RUNX2: variants seen among roughly 807,000 people sequenced by gnomAD.
RUNX2 encodes runt-related transcription factor 2.
In RUNX2, 10 loss-of-function variants were observed where a neutral mutation model predicts 51.7. The observed-to-expected ratio is 0.19, with a 90% CI of 0.12 to 0.33. The LOEUF is 0.33. RUNX2 is among the 10% of genes least tolerant of loss of function. The pLI is 1.00. For synonymous variants in RUNX2, 276 were observed against 273.6 expected (o/e 1.01, Z -0.09); for missense variants, 562 against 691.3 (o/e 0.81, Z 2.10).
intron 6 of RUNX2, among the ~76,000 whole-genome samples, chr6:45,509,202 C>T (rs1801069360): frequency 6.6e-6 from 1 of 152,166 alleles, no homozygotes; most frequent in Non-Finnish European, 1.5e-5. Context: ...AGGGCCTTCA[C>T]CATGTGAGCT....
chr6:45,463,098 C>A (rs546096045), intron 5 of RUNX2, among the ~76,000 whole-genome samples: 2 of 152,124 alleles, frequency 1.3e-5, no homozygotes, highest in African/African-American at 4.8e-5. Context: ...CTCTTTCTAC[C>A]AAATATTGAT....
At chr6:45,476,561 G>A (rs1415653201) in intron 5 of RUNX2, among the ~76,000 whole-genome samples, 3 of 152,126 alleles carry the variant, frequency 2.0e-5, no homozygotes, top group Admixed American at 6.5e-5. Flanking sequence ...GCCCAGAAAG[G>A]GCTGATTGTC....
At chr6:45,438,703 G>A (rs761395803) in intron 5 of RUNX2, among the ~76,000 whole-genome samples, 6 of 152,110 alleles carry the variant, frequency 3.9e-5, no homozygotes, top group Admixed American at 2.0e-4. Flanking sequence ...TTCAGGTAGC[G>A]CACATAATCT....
chr6:45,352,468 T>C (rs746212489), intron 2 of RUNX2, among the ~76,000 whole-genome samples: 33 of 152,250 alleles, frequency 2.2e-4, no homozygotes, highest in Non-Finnish European at 4.1e-4. Flanking sequence ...AGGTGAAACA[T>C]TGCTGGAGTC....
At chr6:45,415,342 A>T (rs1399855583) in intron 2 of RUNX2, among the ~76,000 whole-genome samples, 1 of 152,210 alleles carries the variant, frequency 6.6e-6, no homozygotes, top group Non-Finnish European at 1.5e-5. Flanking sequence ...TACAGCAACA[A>T]AGTAAGAGTC....
At chr6:45,417,351 A>C (rs1798085577) in intron 2 of RUNX2, among the ~76,000 whole-genome samples, 1 of 152,208 alleles carries the variant, frequency 6.6e-6, no homozygotes, top group East Asian at 1.9e-4. Flanking sequence ...ATGCTGACAT[A>C]TGGAGATGTG....
At chr6:45,426,024 A>G (rs959569068) in intron 3 of RUNX2, among the ~76,000 whole-genome samples, 18 of 152,142 alleles carry the variant, frequency 1.2e-4, no homozygotes, top group African/African-American at 4.1e-4. Context: ...AATTCAATAG[A>G]CTGTTTTGAA....
chr6:45,541,643 C>G (rs1802232711), intron 7 of RUNX2, among the ~76,000 whole-genome samples: 1 of 152,140 alleles, frequency 6.6e-6, no homozygotes, highest in Non-Finnish European at 1.5e-5. Flanking sequence ...TACCTTTATC[C>G]CCTCACATAA....
intron 6 of RUNX2, among the ~76,000 whole-genome samples, chr6:45,494,730 C>T (rs1292528477): frequency 6.6e-6 from 1 of 152,174 alleles, no homozygotes; most frequent in Non-Finnish European, 1.5e-5. Context: ...AGCCCAGGAA[C>T]ATCTGGAGCA....
intron 2 of RUNX2, among the ~76,000 whole-genome samples, chr6:45,415,589 G>A (rs1431597499): frequency 6.6e-6 from 1 of 152,190 alleles, no homozygotes; most frequent in African/African-American, 2.4e-5. Flanking sequence ...GGAAAAGCTA[G>A]CTTTATTGCA....
intron 2 of RUNX2, among the ~76,000 whole-genome samples, chr6:45,372,957 C>T (rs1436987572): frequency 6.6e-6 from 1 of 151,954 alleles, no homozygotes; most frequent in Non-Finnish European, 1.5e-5. Flanking sequence ...AGCAGGTGCA[C>T]GCCAAGACAC....
At chr6:45,342,537 G>A (rs553894864) in intron 2 of RUNX2, among the ~76,000 whole-genome samples, 74 of 152,228 alleles carry the variant, frequency 4.9e-4, no homozygotes, top group African/African-American at 1.7e-3. Flanking sequence ...GCGATTACAC[G>A]CATAAGCCAC....
chr6:45,464,931 T>C (rs1024346951), intron 5 of RUNX2, among the ~76,000 whole-genome samples: 1 of 152,240 alleles, frequency 6.6e-6, no homozygotes, highest in African/African-American at 2.4e-5. Context: ...ATCTATCATA[T>C]GGCCAGTTCA....
At chr6:45,488,691 C>A (rs1800358389) in intron 5 of RUNX2, among the ~76,000 whole-genome samples, 1 of 147,400 alleles carries the variant, frequency 6.8e-6, no homozygotes, top group Non-Finnish European at 1.5e-5. Context: ...TTTTCTTATT[C>A]AGCAATGATG....
At chr6:45,407,197 G>T (rs1288027443) in intron 2 of RUNX2, among the ~76,000 whole-genome samples, 1 of 151,346 alleles carries the variant, frequency 6.6e-6, no homozygotes, top group African/African-American at 2.4e-5. Context: ...TCCGCCTCCC[G>T]GGCTCAAGCG....
intron 2 of RUNX2, among the ~76,000 whole-genome samples, chr6:45,364,605 T>A (rs960049826): frequency 6.6e-6 from 1 of 152,156 alleles, no homozygotes; most frequent in African/African-American, 2.4e-5. Flanking sequence ...AGAGATATAG[T>A]TTCACTTAAT....
chr6:45,491,854 C>T, intron 5 of RUNX2, 87 bp from the exon 6 acceptor site: 2 of 1,355,152 alleles, frequency 1.5e-6, no homozygotes, highest in South Asian at 2.3e-5. Flanking sequence ...GGCTTAAACT[C>T]CCAGTTTGTA....
At position 45,422,728 on chromosome 6, in the gene RUNX2, A is replaced by AG. The variant is rs1382632515; in HGVS notation, c.194_195insG (p.Gln66ThrfsTer95). The AG allele has an allele frequency of 1.3e-6, 2 of 1,585,194 alleles. No homozygotes were observed. The highest frequency in any genetic ancestry group is 2.8e-5 in the African/African-American group (2 of 72,136). The stretch of plus-strand genomic sequence containing the variant: ...CAGCAACAGCAGCAGCAGCAGCAGC[A>AG]ACAGCAGCAGCAGCAGCAGGAGGCG... On this transcript the variant is annotated frameshift_variant, in exon 3 of 9. Transcript: ENST00000647337. LOFTEE classifies it high-confidence loss of function.
chr6:45,529,053 C>T (rs543130406), intron 7 of RUNX2, among the ~76,000 whole-genome samples: 2 of 152,338 alleles, frequency 1.3e-5, no homozygotes, highest in Admixed American at 6.5e-5. Context: ...TCAGATCCTT[C>T]AACCATGCCC....
Sources: gnomAD v4.1 joint callset for allele counts (sites outside exome capture counted in the v4.1 genomes callset) on GRCh38, gnomAD v4.1.1 for gene constraint, MANE v1.5 for transcripts, NCBI Gene and HGNC (gene_info 2026-07-23, HGNC 2026-07-21) for gene names.